GPR55: variants seen among roughly 807,000 people sequenced by gnomAD.
The protein encoded by GPR55 is G-protein coupled receptor 55.
A neutral mutation model predicts 7.9 loss-of-function variants in GPR55; 6 were observed. The observed-to-expected ratio is 0.76, with a 90% CI of 0.41 to 1.49. The LOEUF is 1.49. GPR55 is among the 40% of genes most tolerant of loss of function. The pLI is 0.01. For synonymous variants in GPR55, 183 were observed against 166.8 expected, an observed-to-expected ratio of 1.10 and a Z score of -0.75; for missense variants, 376 against 406.0, an observed-to-expected ratio of 0.93 and a Z score of 0.63.
chr2:230,942,132 G>T (rs988653366), intron 1 of GPR55, among the ~76,000 whole-genome samples: 1 of 152,170 alleles, frequency 6.6e-6, no homozygotes, highest in African/African-American at 2.4e-5. Flanking sequence ...GACCAGAAGG[G>T]GCAGGAAGGA....
chr2:230,910,493 T>C lies in GPR55; in HGVS notation c.470A>G (p.Tyr157Cys). ...VLVWTGSIPIYSFHGKVEKYM... is the reference protein window; with the variant it reads ...VLVWTGSIPICSFHGKVEKYM... ...TTTTTCCACTTTCCCATGGAAACTG[T>C]AGATAGGGATGCTTCCGGTCCACAC... The change falls in exon 2 of 2, where the codon TAC (tyrosine) becomes TGC (cysteine). Residue 157 changes from tyrosine (Y) to cysteine (C), a missense_variant. Physicochemically the swap from Tyr to Cys is radical, Grantham distance 194. Transcript: ENST00000650999. This position sits in a 1 kb window ranked among gnomAD's most constrained non-coding sequence, Gnocchi z 5.4. 1 of 1,614,018 alleles carries C rather than the reference T, an allele frequency of 6.2e-7. No homozygotes were observed. Among genetic ancestry groups the C allele is most frequent in the Non-Finnish European group, 8.5e-7 (1 of 1,179,982 alleles).
At chr2:230,922,166 C>T (rs950753924) in intron 1 of GPR55, among the ~76,000 whole-genome samples, 2 of 152,154 alleles carry the variant, frequency 1.3e-5, no homozygotes, top group African/African-American at 4.8e-5. Context: ...TGATTTTTAA[C>T]CCTGAAGTAG....
chr2:230,932,758 G>A (rs558722496), intron 1 of GPR55, among the ~76,000 whole-genome samples: 6 of 152,142 alleles, frequency 3.9e-5, no homozygotes, highest in African/African-American at 1.2e-4. Flanking sequence ...CCACCTCCTC[G>A]CTTCCTGTGA....
chr2:230,913,939 T>C (rs1372690880), intron 1 of GPR55, among the ~76,000 whole-genome samples: 1 of 152,126 alleles, frequency 6.6e-6, no homozygotes, highest in African/African-American at 2.4e-5. Context: ...TCCAATAAGA[T>C]TTTGAAAAGG....
intron 1 of GPR55, among the ~76,000 whole-genome samples, chr2:230,939,172 C>T (rs56392408): frequency 0.088 from 13,329 of 152,242 alleles, 1,515 homozygotes; most frequent in African/African-American, 0.26. Context: ...CTCAGCTTTG[C>T]CCCCAGCAGG....
Position 230,909,412 on chromosome 2 carries a change from T to C in GPR55, c.*591A>G, listed in dbSNP as rs1214892190. 6.5e-6 allele frequency: 1 copy of C among 152,776 alleles called. No individual in the cohort carries two copies. The highest frequency in any genetic ancestry group is 1.9e-4 in the East Asian group (1 of 5,204). 9.5% of individuals were successfully genotyped at this position (152,776 alleles called of 1,614,324 possible). On this transcript the variant is annotated 3_prime_UTR_variant, in exon 2 of 2. Transcript: ENST00000650999. ...GAGGCTCACTGGAAACTTGGGGTGA[T>C]CCATGCTACTTGCCCAGCCCCAACA...
chr2:230,941,677 G>A (rs1227919038), intron 1 of GPR55, among the ~76,000 whole-genome samples: 2 of 152,126 alleles, frequency 1.3e-5, no homozygotes, highest in Non-Finnish European at 2.9e-5. Flanking sequence ...CATCCGCAGT[G>A]ACTCCCTGTC....
intron 1 of GPR55, among the ~76,000 whole-genome samples, chr2:230,941,421 G>A (rs755434): frequency 0.19 from 28,985 of 152,170 alleles, 3,291 homozygotes; most frequent in Non-Finnish European, 0.25. Context: ...GCCTGCCCCC[G>A]CTCCCAGACC....
chr2:230,930,051 AC>A (rs11458430), upstream of GPR55: 8 of 151,802 alleles, frequency 5.3e-5, no homozygotes, highest in East Asian at 1.9e-4. Flanking sequence ...GGCAGCCAGG[AC>A]CCCCCCGCCT....
chr2:230,933,297 C>T (rs1691078601), intron 1 of GPR55, among the ~76,000 whole-genome samples: 1 of 152,164 alleles, frequency 6.6e-6, no homozygotes, highest in African/African-American at 2.4e-5. Context: ...CCTGGGCAGA[C>T]TGCTCCACTG....
At chr2:230,936,645 A>G (rs13392581) in intron 1 of GPR55, among the ~76,000 whole-genome samples, 40,879 of 152,122 alleles carry the variant, frequency 0.27, 5,760 homozygotes, top group Non-Finnish European at 0.31. Context: ...AGCAATGTCC[A>G]TAGAGGTTCT....
intron 1 of GPR55, among the ~76,000 whole-genome samples, chr2:230,948,099 C>T (rs917095740): frequency 4.6e-5 from 7 of 152,188 alleles, no homozygotes; most frequent in Non-Finnish European, 1.0e-4. Context: ...TTGCCACCGC[C>T]GCCCACCCCC....
chr2:230,937,827 G>A (rs2125064460), intron 1 of GPR55, among the ~76,000 whole-genome samples: 1 of 152,084 alleles, frequency 6.6e-6, no homozygotes, highest in South Asian at 2.1e-4. Context: ...CCACCAAACA[G>A]AATAGAGAAA....
chr2:230,934,147 T>A (rs1691097872), intron 1 of GPR55, among the ~76,000 whole-genome samples: 1 of 152,146 alleles, frequency 6.6e-6, no homozygotes. Context: ...GGCCGCTTAT[T>A]TGGAGAGACC....
At chr2:230,934,801 C>T (rs961786828) in intron 1 of GPR55, among the ~76,000 whole-genome samples, 1 of 152,140 alleles carries the variant, frequency 6.6e-6, no homozygotes, top group Non-Finnish European at 1.5e-5. Context: ...GAGTGAAGAG[C>T]CGTCACTGCA....
At chr2:230,934,963 G>T (rs1023583753) in intron 1 of GPR55, among the ~76,000 whole-genome samples, 1 of 152,014 alleles carries the variant, frequency 6.6e-6, no homozygotes, top group Non-Finnish European at 1.5e-5. Context: ...CGCCCAGGGT[G>T]CCCAGAGCCT....
At chr2:230,939,034 T>A (rs1179214245) in intron 1 of GPR55, among the ~76,000 whole-genome samples, 2 of 152,218 alleles carry the variant, frequency 1.3e-5, no homozygotes, top group Non-Finnish European at 2.9e-5. Flanking sequence ...TCCTGCCGTG[T>A]GGCCAGTTCT....
At chr2:230,948,436 A>G (rs1691351781) in intron 1 of GPR55, among the ~76,000 whole-genome samples, 1 of 152,188 alleles carries the variant, frequency 6.6e-6, no homozygotes, top group Non-Finnish European at 1.5e-5. Context: ...AATAATAATA[A>G]TAGTAATAAA....
intron 1 of GPR55, among the ~76,000 whole-genome samples, chr2:230,932,554 T>C (rs1377218659): frequency 6.6e-6 from 1 of 152,216 alleles, no homozygotes; most frequent in East Asian, 1.9e-4. Flanking sequence ...AGCATGGCTG[T>C]GAATGTTTAT....
Sources: allele counts gnomAD v4.1 joint callset (sites outside exome capture counted in the v4.1 genomes callset), GRCh38; gene constraint gnomAD v4.1.1; non-coding constraint Gnocchi (gnomAD v3.1); transcripts MANE v1.5; gene names NCBI Gene and HGNC (gene_info 2026-07-23, HGNC 2026-07-21).